FRYL: variants seen among roughly 807,000 people sequenced by gnomAD.
FRYL encodes the protein protein furry homolog-like.
Under a neutral mutation model 351.2 loss-of-function variants are expected in FRYL, and 150 were observed. That is an observed-to-expected ratio of 0.43 (90% CI 0.37 to 0.49). The LOEUF is 0.49. Ranked by LOEUF, FRYL falls within the 20% of genes least tolerant of loss-of-function variation. The pLI is 0.00. For missense variants in FRYL, 3,036 were observed against 3,619.3 expected (o/e 0.84, Z 4.13); for synonymous variants, 1,153 against 1,257.1 (o/e 0.92, Z 1.75).
chr4:48,564,033 A>G lies in FRYL; in HGVS notation c.3511T>C (p.Tyr1171His), dbSNP rs757753622. The change falls in exon 31 of 64, where the codon TAC (tyrosine) becomes CAC (histidine). Residue 1171 changes from tyrosine (Y) to histidine (H), a missense_variant. Tyr to His is a moderately conservative substitution (Grantham distance 83). This residue lies in a region of FRYL where 1,987 missense variants were observed against 2,311.7 expected (regional missense o/e 0.86). Coordinates refer to ENST00000358350, the MANE Select transcript of FRYL (RefSeq NM_015030.2). The part of the protein sequence containing the change: ...ELNPDQSNLM[Y>H]WAVDRCYTGS... ...GTGTAGCAGCGGTCCACAGCCCAGT[A>G]CATCAGGTTGCTCTGATCAGGGTTC... 6.2e-7 allele frequency: 1 copy of G among 1,614,206 alleles called. No individual in the cohort carries two copies. Among genetic ancestry groups the G allele is most frequent in the Admixed American group, 1.7e-5 (1 of 60,028 alleles).
intron 41 of FRYL, among the ~76,000 whole-genome samples, chr4:48,547,051 C>T (rs751490699): frequency 4.6e-5 from 7 of 151,794 alleles, no homozygotes; most frequent in Non-Finnish European, 5.9e-5. Flanking sequence ...CCTGATGGTA[C>T]TGATGAATGA....
chr4:48,632,091 A>AATATATATATATATATAT (rs1560753223), intron 4 of FRYL, among the ~76,000 whole-genome samples: 16 of 23,362 alleles, frequency 6.8e-4, no homozygotes, highest in Non-Finnish European at 1.2e-3. Flanking sequence ...AAAAAAAAAA[A>AATATATATATATATATAT]ATATATATAT....
At chr4:48,744,764 A>G (rs921540570) in intron 1 of FRYL, among the ~76,000 whole-genome samples, 1 of 152,204 alleles carries the variant, frequency 6.6e-6, no homozygotes, top group Admixed American at 6.5e-5. Flanking sequence ...TCAAACCACA[A>G]AAAGTTTCTA....
At chr4:48,518,749 T>C (rs1338308210) in intron 55 of FRYL, among the ~76,000 whole-genome samples, 1 of 152,240 alleles carries the variant, frequency 6.6e-6, no homozygotes, top group Non-Finnish European at 1.5e-5. Flanking sequence ...CTGGTTCTTG[T>C]CATTTAGGTT....
chr4:48,610,840 A>G (rs1748019071), intron 7 of FRYL, among the ~76,000 whole-genome samples: 1 of 149,724 alleles, frequency 6.7e-6, no homozygotes, highest in Non-Finnish European at 1.5e-5. Context: ...ATGTATACAT[A>G]TATACACTCA....
intron 3 of FRYL, among the ~76,000 whole-genome samples, chr4:48,665,228 T>C (rs1761502561): frequency 6.6e-6 from 1 of 152,206 alleles, no homozygotes; most frequent in Admixed American, 6.5e-5. Context: ...TGGTTTTAGT[T>C]CTTTTTATAT....
chr4:48,565,779 G>T, intron 28 of FRYL, 88 bp from the exon 29 acceptor site: 1 of 1,294,656 alleles, frequency 7.7e-7, no homozygotes, highest in Non-Finnish European at 1.1e-6. Flanking sequence ...GTGTAATAGT[G>T]TAAAAAAGAA....
intron 1 of FRYL, among the ~76,000 whole-genome samples, chr4:48,720,589 C>T (rs1769358918): frequency 6.6e-6 from 1 of 152,110 alleles, no homozygotes; most frequent in Non-Finnish European, 1.5e-5. Flanking sequence ...CACCACCATC[C>T]ACCTCCAGAA....
At chr4:48,637,301 C>G (rs1204934757) in intron 3 of FRYL, 2 of 152,022 alleles carry the variant, frequency 1.3e-5, no homozygotes, top group Non-Finnish European at 2.9e-5. Context: ...TATATTTCAT[C>G]ATAATGTTCA....
Position 48,557,104 on chromosome 4 carries a change from C to G in FRYL, c.4140G>C (p.Leu1380=), listed in dbSNP as rs1734275727. Residue 1380 remains leucine, a synonymous_variant, in exon 35 of 64, where the codon CTG becomes CTC. Coordinates refer to ENST00000358350, the MANE Select transcript of FRYL (RefSeq NM_015030.2). ...MYMTAKYGDE[L]AWSEVENVWT... ...ACACATTCTCCACCTCCGACCAGGCCAGTTCATCGCCATACTAGATGCAAT... is the reference window on the plus strand; with the variant it reads ...ACACATTCTCCACCTCCGACCAGGCGAGTTCATCGCCATACTAGATGCAAT... The G allele has an allele frequency of 6.3e-7, 1 of 1,593,092 alleles. No individual in the cohort carries two copies. Among genetic ancestry groups the G allele is most frequent in the African/African-American group, 1.4e-5 (1 of 72,276 alleles).
At chr4:48,588,611 A>G (rs1032388328) in intron 18 of FRYL, among the ~76,000 whole-genome samples, 23 of 152,256 alleles carry the variant, frequency 1.5e-4, no homozygotes, top group African/African-American at 5.5e-4. Context: ...CAATCCACCA[A>G]TTAGAATTCC....
At chr4:48,679,478 G>A (rs1047984090) in intron 3 of FRYL, among the ~76,000 whole-genome samples, 6 of 151,926 alleles carry the variant, frequency 3.9e-5, no homozygotes, top group South Asian at 2.1e-4. Flanking sequence ...AAAGGTAATC[G>A]CATTGTCTAT....
At chr4:48,657,876 T>C (rs1490858554) in intron 3 of FRYL, among the ~76,000 whole-genome samples, 2 of 152,238 alleles carry the variant, frequency 1.3e-5, no homozygotes, top group African/African-American at 2.4e-5. Flanking sequence ...AAGATGACCA[T>C]AGAAGTTCTC....
intron 22 of FRYL, among the ~76,000 whole-genome samples, chr4:48,580,070 G>GC (rs1323751309): frequency 6.6e-6 from 1 of 151,172 alleles, no homozygotes; most frequent in Non-Finnish European, 1.5e-5. Flanking sequence ...CATCATGGCG[G>GC]GGGGGAATTG....
At chr4:48,581,189 C>T (rs1163637238) in intron 21 of FRYL, among the ~76,000 whole-genome samples, 8 of 151,936 alleles carry the variant, frequency 5.3e-5, no homozygotes, top group African/African-American at 1.4e-4. Flanking sequence ...TACAGGCGCC[C>T]GCCACCACGC....
At chr4:48,590,628 C>T (rs1177241080) in intron 17 of FRYL, 31 bp downstream of exon 17, 2 of 1,487,620 alleles carry the variant, frequency 1.3e-6, no homozygotes, top group African/African-American at 2.8e-5. Flanking sequence ...AACTGTATTA[C>T]AAAGCAACAT....
intron 1 of FRYL, among the ~76,000 whole-genome samples, chr4:48,765,768 T>C (rs969426686): frequency 6.6e-6 from 1 of 152,132 alleles, no homozygotes; most frequent in African/African-American, 2.4e-5. Flanking sequence ...ATTTTCAGAA[T>C]ATATAAGGAA....
At chr4:48,603,476 A>G in intron 11 of FRYL, 88 bp from the exon 12 acceptor site, 1 of 867,912 alleles carries the variant, frequency 1.2e-6, no homozygotes, top group South Asian at 1.6e-5. Context: ...GTAAGGTTTG[A>G]AATTGGTTAA....
intron 46 of FRYL, 101 bp downstream of exon 46, chr4:48,540,252 C>A: frequency 7.3e-7 from 1 of 1,364,912 alleles, no homozygotes; most frequent in Non-Finnish European, 9.8e-7. Flanking sequence ...AAAACTATGA[C>A]TATTTGCAAA....
Sources: gnomAD v4.1 joint callset for allele counts (sites outside exome capture counted in the v4.1 genomes callset) on GRCh38, gnomAD v4.1.1 for gene constraint, gnomAD v4.1.1 regional missense constraint, MANE v1.5 for transcripts, NCBI Gene and HGNC (gene_info 2026-07-23, HGNC 2026-07-21) for gene names.